Variants in IZUMO4 observed in about 807,000 individuals in gnomAD.
IZUMO4 encodes the protein IZUMO family member 4.
In IZUMO4, 51 loss-of-function variants were observed where a neutral mutation model predicts 37.1. That is an observed-to-expected ratio of 1.38 (90% CI 1.10 to 1.74). The LOEUF (loss-of-function observed/expected upper bound fraction) is 1.74, where lower values mean the gene tolerates loss of function less well. Ranked by LOEUF, IZUMO4 falls within the 40% of genes most tolerant of loss-of-function variation. IZUMO4 has a pLI of 0.00. For missense variants in IZUMO4, 364 were observed against 299.6 expected (o/e 1.21, Z -1.59); for synonymous variants, 162 against 121.4 (o/e 1.33, Z -2.20).
Position 2,097,798 on chromosome 19 carries a change from A to G in IZUMO4, c.371-131A>G, listed in dbSNP as rs567543134. On this transcript the variant is annotated intron_variant, in intron 3 of 9. Coordinates refer to ENST00000395301, the MANE Select transcript of IZUMO4 (RefSeq NM_001039846.2). ...CCTTCCCTCCGGGCCATGGACACACATACATGAAAACCAGGTGAGCCTGGG... is the reference window on the plus strand; with the variant it reads ...CCTTCCCTCCGGGCCATGGACACACGTACATGAAAACCAGGTGAGCCTGGG... 3.5e-4 allele frequency: 412 copies of G among 1,172,106 alleles called. 1 individual carries two copies. The African/African-American group carries it at 5.6e-3, about 16-fold the overall frequency. The allele number at this position is 1,172,106 out of a possible 1,614,324, so 72.6% of individuals were successfully genotyped here. A position where few individuals can be genotyped will look rare whatever the true frequency, so the allele number is the denominator to read the frequency against.
chr19:2,099,116 A>G lies in IZUMO4; in HGVS notation c.608+87A>G, dbSNP rs1350631977. 4 of 1,404,806 alleles carry G rather than the reference A, an allele frequency of 2.8e-6. No homozygotes were observed. The African/African-American group carries it at 4.2e-5, about 15-fold the overall frequency. 87.0% of individuals were successfully genotyped at this position (1,404,806 alleles called of 1,614,324 possible). ...GCCGCGGCCTGCACACCCTGCTGAC[A>G]TCCCAGGCACGAGGGTGTCGTGGAT... On this transcript the variant is annotated intron_variant, in intron 9 of 9. Coordinates refer to ENST00000395301, the MANE Select transcript of IZUMO4 (RefSeq NM_001039846.2).
At position 2,098,814 on chromosome 19, in the gene IZUMO4, C is replaced by CCCTGA. The variant is rs1291917541; in HGVS notation, c.554+15_554+19dup. The CCCTGA allele has an allele frequency of 1.3e-6, 2 of 1,597,142 alleles. No individual in the cohort carries two copies. The highest frequency in any genetic ancestry group is 2.7e-5 in the African/African-American group (2 of 74,050). Reference sequence around the variant, plus strand: ...AGGACACGAGCATGAGGTAAGGCCGCCCTGACCTGGACTTCAGGGGGAGGG... The same window carrying CCCTGA: ...AGGACACGAGCATGAGGTAAGGCCGCCCTGACCTGACCTGGACTTCAGGGGGAGGG... On this transcript the variant is annotated intron_variant, in intron 8 of 9. Coordinates refer to ENST00000395301, the MANE Select transcript of IZUMO4 (RefSeq NM_001039846.2).
At chr19:2,098,390 G>A (rs1324410004) in intron 6 of IZUMO4, 46 bp from the exon 7 acceptor site, 1 of 1,613,966 alleles carries the variant, frequency 6.2e-7, no homozygotes. Flanking sequence ...GGGAACACTG[G>A]CCACGGCCAC....
rs1161768907 is a variant in IZUMO4 at position 2,096,981 on chromosome 19, G to C, written c.36G>C (p.Ala12=). The stretch of plus-strand genomic sequence containing the variant: ...TGCTGTGCCTGGTGTGCCTGACGGC[G>C]GCGCTGGCCCACGGCTGTCTGCACT... ...ALLLCLVCLT[A]ALAHGCLHCH... is the part of the protein sequence containing the mutation. The change falls in exon 1 of 10, where the codon GCG becomes GCC. Residue 12 remains alanine (A), a synonymous_variant. Coordinates refer to ENST00000395301, the MANE Select transcript of IZUMO4 (RefSeq NM_001039846.2). The C allele has an allele frequency of 4.4e-6, 7 of 1,608,964 alleles. No homozygotes were observed. Among genetic ancestry groups the C allele is most frequent in the Non-Finnish European group, 5.9e-6 (7 of 1,179,760 alleles).
In IZUMO4 at chr19:2,099,038, C is replaced by A; in HGVS notation, c.608+9C>A. 1 of 1,612,474 alleles carries A rather than the reference C, an allele frequency of 6.2e-7. No homozygotes were observed. The highest frequency in any genetic ancestry group is 1.1e-5 in the South Asian group (1 of 91,076). On this transcript the variant is annotated intron_variant, in intron 9 of 9. Transcript: ENST00000395301. ...AGAGCCACCCCGGCCTTGTGAGTGA[C>A]CCAGAGAAGGGAGGCCTCGGGAGAA... is the stretch of plus-strand genomic sequence containing the variant.
intron 2 of IZUMO4, 26 bp downstream of exon 2, chr19:2,097,358 G>GGC: frequency 6.2e-7 from 1 of 1,602,920 alleles, no homozygotes; most frequent in Non-Finnish European, 8.5e-7. Flanking sequence ...CCGAGGCGGG[G>GGC]CCCCCCCACC....
intron 7 of IZUMO4, 27 bp from the exon 8 acceptor site, chr19:2,098,760 G>A (rs759939246): frequency 1.0e-5 from 16 of 1,605,322 alleles, no homozygotes; most frequent in African/African-American, 6.7e-5. Flanking sequence ...CCCATGGAGG[G>A]GCTGACTGCC....
intron 7 of IZUMO4, 156 bp from the exon 8 acceptor site, chr19:2,098,631 C>G: frequency 6.4e-7 from 1 of 1,559,984 alleles, no homozygotes; most frequent in Non-Finnish European, 8.7e-7. Context: ...CCTCAAAGGT[C>G]TCCGACCCTC....
intron 5 of IZUMO4, 27 bp downstream of exon 5, chr19:2,098,154 G>A (rs371222663): frequency 8.1e-6 from 13 of 1,612,400 alleles, no homozygotes; most frequent in Admixed American, 5.0e-5. Flanking sequence ...ACACCCACCC[G>A]TGCCAGGGCC....
chr19:2,097,324 A>G lies in IZUMO4; in HGVS notation c.290A>G (p.Tyr97Cys), dbSNP rs1441345142. The change falls in exon 2 of 10, where the codon TAC (tyrosine) becomes TGC (cysteine). Residue 97 changes from tyrosine to cysteine, a missense_variant. Physicochemically the swap from Tyr to Cys is radical, Grantham distance 194 (BLOSUM62 -2). Transcript: ENST00000395301. Reference sequence around the variant, plus strand: ...GATCAGCTGTACCAGGGGAAGATGTACTTCCCCGGTAAGGGGCGCGAAACC... The same window carrying G: ...GATCAGCTGTACCAGGGGAAGATGTGCTTCCCCGGTAAGGGGCGCGAAACC... ...MMDQLYQGKM[Y>C]FPGYFPNELR... is the part of the protein sequence containing the mutation. 3 of 1,612,356 alleles carry G rather than the reference A, an allele frequency of 1.9e-6. No individual in the cohort carries two copies. The highest frequency in any genetic ancestry group is 2.5e-6 in the Non-Finnish European group (3 of 1,179,558).
rs1759743072 is a variant in IZUMO4 at position 2,099,253 on chromosome 19, A to G, written c.609-2A>G. ...AGCTGAGGCAGCCTCGTCTCCCCGC[A>G]GCCTGGTATCGCCAGCCTTAAGGTG... On this transcript the variant is annotated splice_acceptor_variant, in intron 9 of 9. Coordinates refer to ENST00000395301, the MANE Select transcript of IZUMO4 (RefSeq NM_001039846.2). LOFTEE classifies it high-confidence loss of function. The G allele has an allele frequency of 3.7e-6, 6 of 1,613,030 alleles. No homozygotes were observed. The highest frequency in any genetic ancestry group is 2.2e-5 in the East Asian group (1 of 44,878).
rs748123704 is a variant in IZUMO4 at position 2,096,957 on chromosome 19, G to A, written c.12G>A (p.Leu4=). 2.5e-6 allele frequency: 4 copies of A among 1,606,176 alleles called. No individual in the cohort carries two copies. In the Admixed American group the frequency reaches 6.7e-5, roughly 27 times the overall value. ...GGGCCGGGACGGGCATGGCCCTGCT[G>A]CTGTGCCTGGTGTGCCTGACGGCGG... is the stretch of plus-strand genomic sequence containing the variant. MAL[L]LCLVCLTAAL... is the part of the protein sequence containing the mutation. Residue 4 remains leucine (L), a synonymous_variant, in exon 1 of 10, where the codon CTG becomes CTA. Coordinates refer to ENST00000395301, the MANE Select transcript of IZUMO4 (RefSeq NM_001039846.2).
At chr19:2,097,990 C>A (rs201516459) in intron 4 of IZUMO4, 35 bp downstream of exon 4, 3 of 1,613,140 alleles carry the variant, frequency 1.9e-6, no homozygotes, top group Non-Finnish European at 1.7e-6. Flanking sequence ...AGGGGCGTGC[C>A]GGTGGCAGCT....
intron 7 of IZUMO4, 72 bp from the exon 8 acceptor site, chr19:2,098,715 A>G: frequency 6.3e-7 from 1 of 1,591,080 alleles, no homozygotes; most frequent in East Asian, 2.2e-5. Flanking sequence ...CTGTGGTCAG[A>G]GCCTGGGAGG....
Position 2,097,409 on chromosome 19 carries a change from G to T in IZUMO4, c.299-15G>T, listed in dbSNP as rs373615017. ...CACCGCCTGAGCCTGACCTTCTCCTGCCTCGACGACTCAGGGTATTTCCCC... is the reference window on the plus strand; with the variant it reads ...CACCGCCTGAGCCTGACCTTCTCCTTCCTCGACGACTCAGGGTATTTCCCC... On this transcript the variant is annotated splice_polypyrimidine_tract_variant and intron_variant, in intron 2 of 9. Transcript: ENST00000395301. The T allele has an allele frequency of 7.8e-5, 126 of 1,609,986 alleles. No individual in the cohort carries two copies. The highest frequency in any genetic ancestry group is 1.0e-4 in the Non-Finnish European group (122 of 1,178,344).
intron 3 of IZUMO4, 111 bp from the exon 4 acceptor site, chr19:2,097,818 C>A: frequency 1.5e-6 from 2 of 1,368,036 alleles, no homozygotes; most frequent in Non-Finnish European, 2.1e-6. Context: ...ACCAGGTGAG[C>A]CTGGGCCCCA....
At position 2,098,588 on chromosome 19, in the gene IZUMO4, C is replaced by G. The variant is rs184051194; in HGVS notation, c.536+138C>G. ...CCGAGGAGGTGGAACCTCAACCCAG[C>G]TCTGCGCAGGAGGCGGCTGCAGTCC... On this transcript the variant is annotated intron_variant, in intron 7 of 9. Transcript: ENST00000395301. 4.4e-6 allele frequency: 7 copies of G among 1,599,426 alleles called. No homozygotes were observed. In the Admixed American group the frequency reaches 6.8e-5, roughly 16 times the overall value.
rs1399243084 is a variant in IZUMO4 at position 2,099,347 on chromosome 19, A to C, written c.*2A>C. ...GCTGAGTGTCTCAAGCAGCACTGAC[A>C]GCAGCTGGGCCTGCCCCAGGGCAAC... On this transcript the variant is annotated 3_prime_UTR_variant, in exon 10 of 10. Coordinates refer to ENST00000395301, the MANE Select transcript of IZUMO4 (RefSeq NM_001039846.2). The C allele has an allele frequency of 6.2e-7, 1 of 1,609,922 alleles. No homozygotes were observed. Among genetic ancestry groups the C allele is most frequent in the Non-Finnish European group, 8.5e-7 (1 of 1,177,928 alleles).
In IZUMO4 at chr19:2,098,042, C is replaced by T. The variant is rs139102734; in HGVS notation, c.398-10C>T. The T allele has an allele frequency of 7.1e-5, 115 of 1,613,320 alleles. No homozygotes were observed. Among genetic ancestry groups the T allele is most frequent in the Non-Finnish European group, 8.8e-5 (104 of 1,179,984 alleles). On this transcript the variant is annotated splice_polypyrimidine_tract_variant and intron_variant, in intron 4 of 9. Transcript: ENST00000395301. ...GAGGGGAGCCCTGGCGGCTCTTGTA[C>T]GTGTTTCAGGCATCTTCCAGTACGA...
Sources: gnomAD v4.1 joint callset for allele counts on GRCh38, gnomAD v4.1.1 for gene constraint, MANE v1.5 for transcripts, NCBI Gene and HGNC (gene_info 2026-07-23, HGNC 2026-07-21) for gene names.